The following SUMF1 variants were observed in gnomAD, a reference collection of about 807,000 sequenced individuals.
SUMF1 encodes the protein sulfatase modifying factor 1.
SUMF1 carries 48 observed loss-of-function variants against 47.6 expected under a neutral mutation model. The observed-to-expected ratio is 1.01, with a 90% CI of 0.80 to 1.28. The LOEUF is 1.28. SUMF1 is among the 50% of genes most tolerant of loss of function. The pLI is 0.00. For missense variants in SUMF1, 571 were observed against 485.4 expected (o/e 1.18, Z -1.66); for synonymous variants, 230 against 192.1 (o/e 1.20, Z -1.63).
At chr3:4,137,075 G>A (rs1207353401) in intron 8 of SUMF1, among the ~76,000 whole-genome samples, 1 of 152,012 alleles carries the variant, frequency 6.6e-6, no homozygotes, top group Non-Finnish European at 1.5e-5. Flanking sequence ...GATTCCTCAA[G>A]GATCTAGAAC....
chr3:4,272,303 G>C (rs1414068500), intron 8 of SUMF1, among the ~76,000 whole-genome samples: 1 of 152,210 alleles, frequency 6.6e-6, no homozygotes, highest in Non-Finnish European at 1.5e-5. Flanking sequence ...CGCAGAGGCT[G>C]GGCTGTAATG....
At chr3:4,165,172 A>G (rs1007448551) in intron 8 of SUMF1, among the ~76,000 whole-genome samples, 2 of 152,114 alleles carry the variant, frequency 1.3e-5, no homozygotes, top group African/African-American at 4.8e-5. Flanking sequence ...GGCTGCAGCT[A>G]AAGCCGCATT....
intron 8 of SUMF1, among the ~76,000 whole-genome samples, chr3:4,181,529 G>C (rs1695095360): frequency 6.6e-6 from 1 of 152,164 alleles, no homozygotes; most frequent in South Asian, 2.1e-4. Flanking sequence ...TCTGCCATTG[G>C]CTTGGGGTTT....
chr3:4,151,363 A>G (rs1206287011), intron 8 of SUMF1, among the ~76,000 whole-genome samples: 1 of 147,040 alleles, frequency 6.8e-6, no homozygotes, highest in Non-Finnish European at 1.5e-5. Context: ...TACACAATAT[A>G]TATATATACA....
chr3:4,198,449 A>T (rs1695476819), intron 8 of SUMF1, among the ~76,000 whole-genome samples: 1 of 152,148 alleles, frequency 6.6e-6, no homozygotes, highest in Non-Finnish European at 1.5e-5. Flanking sequence ...CCCAGCCCCA[A>T]GTTGACAATT....
intron 8 of SUMF1, among the ~76,000 whole-genome samples, chr3:4,153,330 C>T (rs1290087489): frequency 2.0e-5 from 3 of 151,436 alleles, no homozygotes; most frequent in African/African-American, 7.4e-5. Flanking sequence ...GCCACTTTAA[C>T]CTCTCAAGTA....
At chr3:4,157,442 T>G (rs1285253646) in intron 8 of SUMF1, among the ~76,000 whole-genome samples, 1 of 151,664 alleles carries the variant, frequency 6.6e-6, no homozygotes, top group Non-Finnish European at 1.5e-5. Context: ...CTGTTCCATT[T>G]CATGTAGAAA....
chr3:4,218,414 A>T (rs962635223), intron 8 of SUMF1, among the ~76,000 whole-genome samples: 1 of 152,146 alleles, frequency 6.6e-6, no homozygotes, highest in Admixed American at 6.6e-5. Context: ...GCCTCCGGGA[A>T]TAATAATTGA....
intron 8 of SUMF1, among the ~76,000 whole-genome samples, chr3:4,135,996 A>C (rs1693919809): frequency 6.6e-6 from 1 of 152,208 alleles, no homozygotes; most frequent in Non-Finnish European, 1.5e-5. Context: ...AAATGGAAGA[A>C]CATTCCATGC....
At chr3:4,190,771 A>T (rs1326129332) in intron 8 of SUMF1, among the ~76,000 whole-genome samples, 1 of 152,142 alleles carries the variant, frequency 6.6e-6, no homozygotes, top group Non-Finnish European at 1.5e-5. Context: ...TGGGGATACC[A>T]AAAAATAAGC....
At chr3:4,277,847 G>A (rs968795599) in intron 8 of SUMF1, among the ~76,000 whole-genome samples, 1 of 152,008 alleles carries the variant, frequency 6.6e-6, no homozygotes, top group Non-Finnish European at 1.5e-5. Flanking sequence ...ATTTCCACAA[G>A]TACCTTTAAA....
At chr3:4,255,986 C>T (rs367897084) in intron 8 of SUMF1, among the ~76,000 whole-genome samples, 1 of 148,002 alleles carries the variant, frequency 6.8e-6, no homozygotes, top group Non-Finnish European at 1.5e-5. Flanking sequence ...CAACTACATG[C>T]AAACTGAACA....
intron 8 of SUMF1, among the ~76,000 whole-genome samples, chr3:4,182,842 T>A (rs1247613999): frequency 6.6e-6 from 1 of 152,118 alleles, no homozygotes; most frequent in African/African-American, 2.4e-5. Flanking sequence ...CTCATCACAA[T>A]AATCCTAGAG....
intron 8 of SUMF1, among the ~76,000 whole-genome samples, chr3:4,245,017 G>C (rs959752383): frequency 2.0e-5 from 3 of 151,208 alleles, no homozygotes; most frequent in African/African-American, 4.9e-5. Context: ...CCTTTCTTCC[G>C]CTTGATGGTG....
intron 8 of SUMF1, among the ~76,000 whole-genome samples, chr3:4,224,883 A>G (rs313690): frequency 0.98 from 149,365 of 152,224 alleles, 73,291 homozygotes; most frequent in East Asian, 1. Flanking sequence ...CAAGTCCCTG[A>G]TCCTACAGTT....
intron 1 of SUMF1, among the ~76,000 whole-genome samples, chr3:4,463,915 T>C (rs1338355230): frequency 6.6e-6 from 1 of 152,270 alleles, no homozygotes; most frequent in Non-Finnish European, 1.5e-5. Context: ...GGAATACACA[T>C]TAAATTTTTA....
At chr3:4,456,672 A>G (rs1348419794) in intron 1 of SUMF1, among the ~76,000 whole-genome samples, 1 of 143,812 alleles carries the variant, frequency 7.0e-6, no homozygotes, top group African/African-American at 2.6e-5. Context: ...ATATATATAT[A>G]CGTGTATATA....
rs368450822 is a variant in SUMF1, at chr3:4,099,812, C to T, written c.1015-31067G>A. 1.1e-4 allele frequency among the ~76,000 whole-genome samples: 16 copies of T among 151,532 alleles called. 3 individuals are homozygous for T. The highest frequency in any genetic ancestry group is 6.6e-5 in the Admixed American group (1 of 15,220). ...CAGCAGTGTTTCTATACACTAACCA[C>T]AAACTGTCTGAAAAAAGAAACTAAG... On this transcript the variant is annotated intron_variant and NMD_transcript_variant, in intron 8 of 12. Transcript: ENST00000448413.
At chr3:4,253,805 G>T (rs1487310097) in intron 8 of SUMF1, among the ~76,000 whole-genome samples, 1 of 147,284 alleles carries the variant, frequency 6.8e-6, no homozygotes, top group African/African-American at 2.6e-5. Flanking sequence ...CACCTCTGGG[G>T]GGCAGGGCAC....
Sources: gnomAD v4.1 joint callset for allele counts (sites outside exome capture counted in the v4.1 genomes callset) on GRCh38, gnomAD v4.1.1 for gene constraint, MANE v1.5 for transcripts, NCBI Gene and HGNC (gene_info 2026-07-23, HGNC 2026-07-21) for gene names.